SLC4A4: variants seen among roughly 807,000 people sequenced by gnomAD.
SLC4A4 encodes solute carrier family 4 member 4.
SLC4A4 carries 27 observed loss-of-function variants against 111.5 expected under a neutral mutation model. The ratio of observed to expected loss-of-function variants is 0.24; its 90% CI spans 0.18 to 0.33. SLC4A4 has a LOEUF of 0.33. Among genes scored for constraint, SLC4A4 ranks in the 10% least tolerant of loss-of-function variants. The pLI is 1.00. For missense variants in SLC4A4, 909 were observed against 1,315.5 expected, an observed-to-expected ratio of 0.69 and a Z score of 4.78; for synonymous variants, 443 against 463.4, an observed-to-expected ratio of 0.96 and a Z score of 0.57.
intron 6 of SLC4A4, among the ~76,000 whole-genome samples, chr4:71,385,457 G>A (rs1718624762): frequency 6.6e-6 from 1 of 151,754 alleles, no homozygotes; most frequent in South Asian, 2.1e-4. Flanking sequence ...CTCAGCCTCC[G>A]AAAGTGCTGG....
At chr4:71,208,324 A>G (rs1717907208) in intron 1 of SLC4A4, among the ~76,000 whole-genome samples, 1 of 151,782 alleles carries the variant, frequency 6.6e-6, no homozygotes, top group Non-Finnish European at 1.5e-5. Flanking sequence ...CCAGCTACTC[A>G]GGAGGCTGAG....
At chr4:71,262,265 T>C (rs1044750945) in intron 3 of SLC4A4, among the ~76,000 whole-genome samples, 5 of 152,182 alleles carry the variant, frequency 3.3e-5, no homozygotes, top group Admixed American at 6.5e-5. Flanking sequence ...ACCAGGGATT[T>C]AAATTCAGGG....
At chr4:71,395,720 A>G (rs1418245247) in intron 6 of SLC4A4, among the ~76,000 whole-genome samples, 1 of 152,212 alleles carries the variant, frequency 6.6e-6, no homozygotes, top group East Asian at 1.9e-4. Context: ...CCTATAGCAA[A>G]TCAATGACTT....
intron 2 of SLC4A4, among the ~76,000 whole-genome samples, chr4:71,125,815 G>GA (rs1743546285): frequency 6.6e-6 from 1 of 151,962 alleles, no homozygotes; most frequent in Non-Finnish European, 1.5e-5. Flanking sequence ...GACTCTAGGA[G>GA]AAAAAAATAT....
chr4:71,127,437 G>A (rs1443073054), intron 2 of SLC4A4, among the ~76,000 whole-genome samples: 2 of 152,014 alleles, frequency 1.3e-5, no homozygotes, highest in African/African-American at 4.8e-5. Context: ...ATTTAAAAGT[G>A]AACAAAAATC....
intron 16 of SLC4A4, among the ~76,000 whole-genome samples, chr4:71,502,646 G>C (rs1218144159): frequency 6.6e-6 from 1 of 152,138 alleles, no homozygotes; most frequent in African/African-American, 2.4e-5. Context: ...AGGTTTCAAA[G>C]TTTTCCTTAT....
Position 71,089,405 on chromosome 4 carries a change from T to G in SLC4A4, c.-64-3325T>G, listed in dbSNP as rs1312741787. On this transcript the variant is annotated intron_variant, in intron 1 of 26. Transcript: ENST00000649996. ...GCCTTCTTCTCTCAACTCGTCAAAG[T>G]CATTCTCTGTCCAGCTTTGTTCCAT... Among the ~76,000 whole-genome samples, 5 of 152,124 alleles carry G rather than the reference T, an allele frequency of 3.3e-5. 1 individual carries two copies. Among genetic ancestry groups the G allele is most frequent in the African/African-American group, 1.2e-4 (5 of 41,362 alleles).
chr4:71,221,614 G>C (rs2149022832), intron 1 of SLC4A4, among the ~76,000 whole-genome samples: 2 of 152,256 alleles, frequency 1.3e-5, no homozygotes, highest in South Asian at 4.2e-4. Flanking sequence ...TTAATCATCT[G>C]CTTTGGCATC....
In SLC4A4 at chr4:71,492,629, T is replaced by A. The variant is rs1431377109; in HGVS notation, c.1975-4872T>A. Among the ~76,000 whole-genome samples the A allele has an allele frequency of 2.6e-5, 4 of 151,962 alleles. No homozygotes were observed. The East Asian group carries it at 7.8e-4, about 30-fold the overall frequency. On this transcript the variant is annotated intron_variant, in intron 15 of 25. Transcript: ENST00000264485. Reference sequence around the variant, plus strand: ...TAAAACTGAATGAAGCATTGTATGTTCCCATATCAGCATCTTTGCTCTTGA... The same window carrying A: ...TAAAACTGAATGAAGCATTGTATGTACCCATATCAGCATCTTTGCTCTTGA...
At chr4:71,095,206 A>G (rs1742506991) in intron 2 of SLC4A4, among the ~76,000 whole-genome samples, 1 of 152,234 alleles carries the variant, frequency 6.6e-6, no homozygotes, top group African/African-American at 2.4e-5. Context: ...GGTGAAATGC[A>G]GTACCTAGAA....
At chr4:71,216,266 T>C (rs967730877) in intron 1 of SLC4A4, among the ~76,000 whole-genome samples, 2 of 152,258 alleles carry the variant, frequency 1.3e-5, no homozygotes, top group Non-Finnish European at 2.9e-5. Context: ...CAAAGATGTG[T>C]TAACTGAAAT....
intron 6 of SLC4A4, among the ~76,000 whole-genome samples, chr4:71,391,151 A>C (rs1482214134): frequency 1.3e-5 from 2 of 152,148 alleles, no homozygotes; most frequent in African/African-American, 2.4e-5. Context: ...AATGAAAATC[A>C]GACCCATACC....
chr4:71,421,323 C>A (rs952559057), intron 7 of SLC4A4, among the ~76,000 whole-genome samples: 2 of 152,136 alleles, frequency 1.3e-5, no homozygotes, highest in African/African-American at 4.8e-5. Context: ...CAGGAGCACC[C>A]AGATTCATAA....
At chr4:71,281,418 A>G (rs1429506681) in intron 3 of SLC4A4, among the ~76,000 whole-genome samples, 2 of 152,220 alleles carry the variant, frequency 1.3e-5, no homozygotes, top group Non-Finnish European at 2.9e-5. Context: ...CTAATGCCAC[A>G]TGTGCATTAA....
At chr4:71,212,011 G>A (rs1032549923) in intron 1 of SLC4A4, among the ~76,000 whole-genome samples, 2 of 152,148 alleles carry the variant, frequency 1.3e-5, no homozygotes, top group African/African-American at 4.8e-5. Context: ...CACCAAGGAA[G>A]CCAGCCAACT....
chr4:71,404,456 A>G (rs1204077994), intron 7 of SLC4A4, among the ~76,000 whole-genome samples: 1 of 152,250 alleles, frequency 6.6e-6, no homozygotes, highest in African/African-American at 2.4e-5. Context: ...AAGAAATTGT[A>G]GCTATTGCAT....
At chr4:71,285,310 A>C (rs996999954) in intron 3 of SLC4A4, among the ~76,000 whole-genome samples, 1 of 152,194 alleles carries the variant, frequency 6.6e-6, no homozygotes, top group Non-Finnish European at 1.5e-5. Context: ...GACTCTCGGT[A>C]ACCTCTTAGG....
At chr4:71,352,802 G>A (rs1446519075) in intron 5 of SLC4A4, among the ~76,000 whole-genome samples, 1 of 152,186 alleles carries the variant, frequency 6.6e-6, no homozygotes, top group African/African-American at 2.4e-5. Context: ...GAGTCAGATA[G>A]AGAGACACTC....
At chr4:71,552,562 C>T (rs1736101497) in intron 20 of SLC4A4, among the ~76,000 whole-genome samples, 1 of 151,876 alleles carries the variant, frequency 6.6e-6, no homozygotes, top group African/African-American at 2.4e-5. Context: ...AGTAGAACTG[C>T]ATTCACCAGA....
Sources: allele counts gnomAD v4.1 joint callset (sites outside exome capture counted in the v4.1 genomes callset), GRCh38; gene constraint gnomAD v4.1.1; transcripts MANE v1.5; gene names NCBI Gene and HGNC (gene_info 2026-07-23, HGNC 2026-07-21).